The following CDYL variants were observed in gnomAD, a reference collection of about 807,000 sequenced individuals.
CDYL encodes chromodomain Y-like protein.
Under a neutral mutation model 47.3 loss-of-function variants are expected in CDYL, and 8 were observed. The observed-to-expected ratio is 0.17, with a 90% CI of 0.10 to 0.31. CDYL has a LOEUF of 0.31. Among genes scored for constraint, CDYL ranks in the 10% least tolerant of loss-of-function variants. The pLI is 1.00. For synonymous variants in CDYL, 266 were observed against 265.0 expected, an observed-to-expected ratio of 1.00 and a Z score of -0.04; for missense variants, 471 against 701.4, an observed-to-expected ratio of 0.67 and a Z score of 3.71.
At chr6:4,805,332 G>C (rs895980148) in intron 1 of CDYL, among the ~76,000 whole-genome samples, 3 of 152,186 alleles carry the variant, frequency 2.0e-5, no homozygotes, top group African/African-American at 7.2e-5. Flanking sequence ...GTTAGAACTT[G>C]AAAGTAGAAA....
intron 3 of CDYL, among the ~76,000 whole-genome samples, chr6:4,741,352 A>G (rs555373743): frequency 1.0e-3 from 153 of 152,356 alleles, no homozygotes; most frequent in African/African-American, 3.6e-3. Context: ...TCATGGTTAC[A>G]TTCAGCTTCA....
At chr6:4,836,382 C>T (rs887241150) in intron 1 of CDYL, 1 of 397,256 alleles carries the variant, frequency 2.5e-6, no homozygotes, top group Non-Finnish European at 3.4e-6. Flanking sequence ...GATTTTAAAC[C>T]AGTGTGATAC....
At chr6:4,746,360 CAA>C (rs1157122372) in intron 3 of CDYL, among the ~76,000 whole-genome samples, 2,095 of 95,056 alleles carry the variant, frequency 0.022, 43 homozygotes, top group African/African-American at 0.066. Context: ...CAGACTCTCT[CAA>C]AAAAAAAAAA....
At chr6:4,881,654 A>G (rs757868982) in intron 1 of CDYL, among the ~76,000 whole-genome samples, 3 of 152,352 alleles carry the variant, frequency 2.0e-5, no homozygotes, top group Non-Finnish European at 4.4e-5. Flanking sequence ...AAACCCCACA[A>G]TAGTGTTTTT....
intron 1 of CDYL, chr6:4,714,609 C>T (rs1304419346): frequency 3.3e-5 from 5 of 152,278 alleles, no homozygotes; most frequent in African/African-American, 9.6e-5. Context: ...CTGCCAGCTT[C>T]TGCAGATTTC....
At chr6:4,915,391 A>G (rs941755880) in intron 2 of CDYL, among the ~76,000 whole-genome samples, 1 of 152,164 alleles carries the variant, frequency 6.6e-6, no homozygotes, top group Admixed American at 6.5e-5. Context: ...TTGTAAACCA[A>G]AAATAGCATT....
intron 2 of CDYL, among the ~76,000 whole-genome samples, chr6:4,734,240 ACTCT>A (rs992624975): frequency 1.3e-5 from 2 of 151,874 alleles, no homozygotes; most frequent in African/African-American, 4.8e-5. Flanking sequence ...TGACAGTCAA[ACTCT>A]CTCTCTGGGA....
At chr6:4,824,978 T>G (rs1759938761) in intron 1 of CDYL, among the ~76,000 whole-genome samples, 1 of 152,068 alleles carries the variant, frequency 6.6e-6, no homozygotes, top group South Asian at 2.1e-4. Context: ...TCAAGCAATT[T>G]TTGTGCCTCA....
At chr6:4,799,673 G>T (rs1051619562) in intron 1 of CDYL, among the ~76,000 whole-genome samples, 1 of 152,122 alleles carries the variant, frequency 6.6e-6, no homozygotes, top group East Asian at 1.9e-4. Context: ...TGAGCTAGGC[G>T]ATCTGCCTGC....
At chr6:4,947,644 C>T (rs1758564408) in intron 5 of CDYL, among the ~76,000 whole-genome samples, 1 of 151,958 alleles carries the variant, frequency 6.6e-6, no homozygotes, top group South Asian at 2.1e-4. Flanking sequence ...AGTTTCTAAA[C>T]CTCTCTCTTC....
intron 1 of CDYL, chr6:4,890,231 C>A (rs1220762929): frequency 2.3e-6 from 2 of 865,546 alleles, no homozygotes; most frequent in East Asian, 1.2e-4. Flanking sequence ...TCTGCAAAAA[C>A]GTCATCTATG....
intron 2 of CDYL, 23 bp from the exon 3 acceptor site, chr6:4,935,492 C>T (rs769541889): frequency 1.2e-6 from 2 of 1,610,912 alleles, no homozygotes; most frequent in Non-Finnish European, 1.7e-6. Context: ...TCACAGACTA[C>T]TGTGATTTCA....
intron 1 of CDYL, among the ~76,000 whole-genome samples, chr6:4,877,109 G>A (rs956702538): frequency 6.6e-6 from 1 of 152,202 alleles, no homozygotes; most frequent in Non-Finnish European, 1.5e-5. Context: ...AGAATTGTGA[G>A]CAGTAAATTT....
chr6:4,715,811 G>C, exon 2 of CDYL: 1 of 1,614,120 alleles, frequency 6.2e-7, no homozygotes, highest in Non-Finnish European at 8.5e-7. Flanking sequence ...GGTCAGCCTG[G>C]GGAAAAAGCA....
rs559851408 is a variant in CDYL at position 4,734,456 on chromosome 6, T to C, written c.104-306T>C. 9.8e-5 allele frequency among the ~76,000 whole-genome samples: 15 copies of C among 152,298 alleles called. No homozygotes were observed. In the East Asian group the frequency reaches 2.9e-3, roughly 29 times the overall value. ...TCACCAGCCAGATGGCCTGAGTCACTGTCTGCTGCATTCACTTGGCCCACA... is the reference window on the plus strand; with the variant it reads ...TCACCAGCCAGATGGCCTGAGTCACCGTCTGCTGCATTCACTTGGCCCACA... On this transcript the variant is annotated intron_variant, in intron 2 of 8. Coordinates refer to the CDYL transcript ENST00000328908.
intron 3 of CDYL, among the ~76,000 whole-genome samples, chr6:4,936,748 C>T (rs922386790): frequency 2.6e-5 from 4 of 152,136 alleles, no homozygotes; most frequent in Non-Finnish European, 5.9e-5. Context: ...GAGTTTCTTT[C>T]AACTGGTTTG....
chr6:4,920,823 C>A (rs111247734), intron 2 of CDYL, among the ~76,000 whole-genome samples: 4,133 of 152,220 alleles, frequency 0.027, 196 homozygotes, highest in African/African-American at 0.095. Flanking sequence ...ATCATGTTGG[C>A]CAGACTGGTC....
intron 1 of CDYL, among the ~76,000 whole-genome samples, chr6:4,830,015 G>A (rs901576881): frequency 1.3e-5 from 2 of 152,220 alleles, no homozygotes; most frequent in African/African-American, 4.8e-5. Context: ...GATAATGTTG[G>A]TTGTAAGAAT....
At chr6:4,952,846 C>T (rs1758749557) in intron 6 of CDYL, among the ~76,000 whole-genome samples, 1 of 152,084 alleles carries the variant, frequency 6.6e-6, no homozygotes, top group Non-Finnish European at 1.5e-5. Context: ...TGGCTCACTG[C>T]AACCTCAACC....
Sources: allele counts gnomAD v4.1 joint callset (sites outside exome capture counted in the v4.1 genomes callset), GRCh38; gene constraint gnomAD v4.1.1; transcripts MANE v1.5; gene names NCBI Gene and HGNC (gene_info 2026-07-23, HGNC 2026-07-21).